The following CNTN1 variants were observed in gnomAD, a reference collection of about 807,000 sequenced individuals.
CNTN1 encodes contactin-1.
Under a neutral mutation model 126.4 loss-of-function variants are expected in CNTN1, and 38 were observed. The observed-to-expected ratio is 0.30, with a 90% CI of 0.23 to 0.39. CNTN1 has a LOEUF of 0.39. Among genes scored for constraint, CNTN1 ranks in the 10% least tolerant of loss-of-function variants. CNTN1 has a pLI of 1.00. For synonymous variants in CNTN1, 413 were observed against 422.6 expected, an observed-to-expected ratio of 0.98 and a Z score of 0.28; for missense variants, 1,009 against 1,248.4, an observed-to-expected ratio of 0.81 and a Z score of 2.89.
chr12:40,775,003 G>T (rs1018960094), intron 1 of CNTN1, among the ~76,000 whole-genome samples: 1 of 151,378 alleles, frequency 6.6e-6, no homozygotes. Context: ...TGTATTTGGA[G>T]CATTCCAATT....
chr12:40,768,584 C>G (rs1164748274), intron 1 of CNTN1, among the ~76,000 whole-genome samples: 1 of 152,194 alleles, frequency 6.6e-6, no homozygotes, highest in Non-Finnish European at 1.5e-5. Context: ...TTATTTTCAT[C>G]TCTAACAGTT....
chr12:41,024,185 G>A (rs1192114179), intron 20 of CNTN1, among the ~76,000 whole-genome samples: 2 of 152,018 alleles, frequency 1.3e-5, no homozygotes, highest in African/African-American at 2.4e-5. Flanking sequence ...ACATGTTTAT[G>A]TAAATAAAAA....
intron 17 of CNTN1, among the ~76,000 whole-genome samples, chr12:40,993,986 T>C (rs1366028435): frequency 6.6e-6 from 1 of 152,122 alleles, no homozygotes; most frequent in Non-Finnish European, 1.5e-5. Context: ...CATTTAGGTA[T>C]GAAAGAATTA....
intron 3 of CNTN1, among the ~76,000 whole-genome samples, chr12:40,911,206 G>A (rs905680078): frequency 1.3e-5 from 2 of 152,016 alleles, no homozygotes; most frequent in African/African-American, 2.4e-5. Context: ...TCAGCCTCCC[G>A]AGTAGCTGGG....
At chr12:40,774,602 G>C (rs1019631177) in intron 1 of CNTN1, among the ~76,000 whole-genome samples, 3 of 151,684 alleles carry the variant, frequency 2.0e-5, no homozygotes, top group African/African-American at 4.8e-5. Flanking sequence ...ATGTGATAAA[G>C]TCTGCTTTAT....
At chr12:40,870,016 A>G (rs10879294) in intron 1 of CNTN1, among the ~76,000 whole-genome samples, 72,127 of 151,986 alleles carry the variant, frequency 0.47, 17,888 homozygotes, top group African/African-American at 0.63. Context: ...TGTTCTCATG[A>G]TAGTGAGTGG....
chr12:40,890,065 G>A (rs1214293185), intron 1 of CNTN1, among the ~76,000 whole-genome samples: 3 of 151,988 alleles, frequency 2.0e-5, no homozygotes, highest in Non-Finnish European at 4.4e-5. Context: ...ATACATGAGT[G>A]GTATATTCTG....
At chr12:41,024,246 T>C (rs1024383439) in intron 20 of CNTN1, among the ~76,000 whole-genome samples, 2 of 152,194 alleles carry the variant, frequency 1.3e-5, no homozygotes, top group Admixed American at 6.5e-5. Context: ...TTTTGGTTAA[T>C]TGTGAAATTA....
At chr12:41,063,771 A>G (rs559064053) in intron 23 of CNTN1, among the ~76,000 whole-genome samples, 46 of 152,334 alleles carry the variant, frequency 3.0e-4, no homozygotes, top group African/African-American at 1.1e-3. Context: ...GCCTTTCCTT[A>G]AGAATTTTTC....
chr12:40,981,658 G>A (rs973216540), intron 16 of CNTN1, among the ~76,000 whole-genome samples: 1 of 151,866 alleles, frequency 6.6e-6, no homozygotes, highest in African/African-American at 2.4e-5. Flanking sequence ...AGAATAAGTG[G>A]GTACTTTCCT....
At position 40,707,227 on chromosome 12, in the gene CNTN1, C is replaced by CTTTTTTTTTT. The variant is rs370984371; in HGVS notation, c.-77+14665_-77+14674dup. On this transcript the variant is annotated intron_variant, in intron 1 of 23. Coordinates refer to ENST00000551295, the MANE Select transcript of CNTN1 (RefSeq NM_001843.4). ...TTCCTCTTTCATTTCTTTTCTTTTT[C>CTTTTTTTTTT]TTTTTTTTTTTTTTTTTTTTTTTTT... Among the ~76,000 whole-genome samples the CTTTTTTTTTT allele has an allele frequency of 9.5e-4, 104 of 109,156 alleles. 11 individuals are homozygous for CTTTTTTTTTT. The highest frequency in any genetic ancestry group is 2.5e-3 in the African/African-American group (64 of 26,086). 71.6% of individuals were successfully genotyped at this position (109,156 alleles called of 152,430 possible).
intron 23 of CNTN1, among the ~76,000 whole-genome samples, chr12:41,034,155 A>T (rs1442996860): frequency 6.6e-6 from 1 of 152,170 alleles, no homozygotes; most frequent in African/African-American, 2.4e-5. Context: ...CATTTTTTCC[A>T]TTTGATTTAA....
At chr12:40,837,041 C>A (rs916886866) in intron 1 of CNTN1, among the ~76,000 whole-genome samples, 1 of 152,140 alleles carries the variant, frequency 6.6e-6, no homozygotes, top group Non-Finnish European at 1.5e-5. Context: ...TTCGGAACCC[C>A]TATATTCATT....
intron 1 of CNTN1, among the ~76,000 whole-genome samples, chr12:40,775,152 T>A (rs184802718): frequency 9.3e-5 from 9 of 96,320 alleles, no homozygotes; most frequent in Admixed American, 8.0e-4. Flanking sequence ...TTGTTCTTTC[T>A]AATGTTTAAT....
chr12:41,005,603 A>T (rs1438002087), intron 17 of CNTN1, among the ~76,000 whole-genome samples: 1 of 151,544 alleles, frequency 6.6e-6, no homozygotes, highest in Admixed American at 6.6e-5. Flanking sequence ...TATTTTTTGA[A>T]TTTTTTTCAT....
Position 40,981,021 on chromosome 12 carries a change from C to A in CNTN1, c.1917C>A (p.Ile639=). ...DNHSPISKYT[I]QTKTILSDDW... is the part of the protein sequence containing the mutation. ...ATAGTCCTATTTCTAAATACACTAT[C>A]CAGACCAAGACTATTCTTTCAGATG... Residue 639 remains isoleucine, a synonymous_variant, in exon 16 of 24, where the codon ATC becomes ATA. Transcript: ENST00000551295. 1.2e-6 allele frequency: 2 copies of A among 1,613,512 alleles called. No individual in the cohort carries two copies. Among genetic ancestry groups the A allele is most frequent in the Non-Finnish European group, 8.5e-7 (1 of 1,179,708 alleles).
intron 1 of CNTN1, among the ~76,000 whole-genome samples, chr12:40,756,862 C>T (rs1938631331): frequency 6.6e-6 from 1 of 152,142 alleles, no homozygotes; most frequent in Non-Finnish European, 1.5e-5. Flanking sequence ...ATACTGGACA[C>T]TCCTTCTTAG....
At chr12:41,021,645 T>G (rs975318980) in intron 20 of CNTN1, among the ~76,000 whole-genome samples, 1 of 151,848 alleles carries the variant, frequency 6.6e-6, no homozygotes, top group African/African-American at 2.4e-5. Flanking sequence ...CTTTTTTTTT[T>G]TTTTTTTGAC....
chr12:40,959,164 T>C lies in CNTN1; in HGVS notation c.1734T>C (p.Ala578=). The change falls in exon 15 of 24, where the codon GCT becomes GCC. Residue 578 remains alanine, a synonymous_variant. Transcript: ENST00000551295. ...TCCGAAATGCGCAGCTGAAACATGCTGGAAGATACACATGCACTGCCCAGA... is the reference window on the plus strand; with the variant it reads ...TCCGAAATGCGCAGCTGAAACATGCCGGAAGATACACATGCACTGCCCAGA... ...LLIRNAQLKH[A]GRYTCTAQTI... The C allele has an allele frequency of 6.2e-7, 1 of 1,612,834 alleles. No homozygotes were observed.
Sources: allele counts gnomAD v4.1 joint callset (sites outside exome capture counted in the v4.1 genomes callset), GRCh38; gene constraint gnomAD v4.1.1; transcripts MANE v1.5; gene names NCBI Gene and HGNC (gene_info 2026-07-23, HGNC 2026-07-21).